Variants in SHANK2 observed in about 807,000 individuals in gnomAD.
SHANK2 encodes the protein SH3 and multiple ankyrin repeat domains protein 2.
SHANK2 carries 43 observed loss-of-function variants against 133.7 expected under a neutral mutation model. The observed-to-expected ratio is 0.32, with a 90% confidence interval of 0.25 to 0.41. The LOEUF (loss-of-function observed/expected upper bound fraction) is 0.41, where lower values mean the gene tolerates loss of function less well. Among genes scored for constraint, SHANK2 ranks in the 10% least tolerant of loss-of-function variants. SHANK2 has a pLI of 1.00. For synonymous variants in SHANK2, 1,017 were observed against 952.8 expected, an observed-to-expected ratio of 1.07 and a Z score of -1.24; for missense variants, 1,994 against 2,235.8, an observed-to-expected ratio of 0.89 and a Z score of 2.18.
At chr11:70,615,365 T>C (rs1554995600) in intron 17 of SHANK2, among the ~76,000 whole-genome samples, 1 of 151,992 alleles carries the variant, frequency 6.6e-6, no homozygotes, top group African/African-American at 2.4e-5. Context: ...AGAATAACCA[T>C]AGAATGTGCT....
In SHANK2 at chr11:70,780,622, G is replaced by T. The variant is rs964151345; in HGVS notation, c.1777+17821C>A. On this transcript the variant is annotated intron_variant, in intron 14 of 25. Coordinates refer to ENST00000601538, the MANE Select transcript of SHANK2 (RefSeq NM_012309.5). ...AGAGTCTTGCTCTGTCACCCAGGCT[G>T]GAGTGCAATGGCACAGTCTCGGCTC... Among the ~76,000 whole-genome samples the T allele has an allele frequency of 9.6e-5, 14 of 145,300 alleles. No individual in the cohort carries two copies. In the East Asian group the frequency reaches 2.8e-3, roughly 29 times the overall value.
intron 17 of SHANK2, among the ~76,000 whole-genome samples, chr11:70,536,897 T>G (rs1410727675): frequency 6.6e-6 from 1 of 152,194 alleles, no homozygotes; most frequent in Non-Finnish European, 1.5e-5. Context: ...CCCAGCCCAG[T>G]GTCTCTTGGT....
Position 70,490,161 on chromosome 11 carries a change from G to C in SHANK2, c.2551+115C>G, listed in dbSNP as rs76214856. ...GTGGGTGGGCTGGCAGGGCCTTGCT[G>C]GGGTGGGACGCCAAGGCAACTGTGA... On this transcript the variant is annotated intron_variant, in intron 23 of 25. Transcript: ENST00000601538. 3.4e-4 allele frequency: 288 copies of C among 859,056 alleles called. No individual in the cohort carries two copies. In the East Asian group the frequency reaches 5.9e-3, roughly 18 times the overall value. 53.2% of individuals were successfully genotyped at this position (859,056 alleles called of 1,614,324 possible).
At chr11:71,103,969 C>T (rs1429162726) in intron 6 of SHANK2, among the ~76,000 whole-genome samples, 1 of 151,588 alleles carries the variant, frequency 6.6e-6, no homozygotes, top group Non-Finnish European at 1.5e-5. Context: ...AATGCACCTG[C>T]TCTCCCTTTG....
intron 14 of SHANK2, among the ~76,000 whole-genome samples, chr11:70,702,871 CATT>C (rs1304624063): frequency 6.6e-6 from 1 of 152,176 alleles, no homozygotes; most frequent in African/African-American, 2.4e-5. Flanking sequence ...TGCAAGTCCT[CATT>C]ATTTCATCTT....
intron 10 of SHANK2, among the ~76,000 whole-genome samples, chr11:70,954,257 T>C (rs1241438189): frequency 2.6e-5 from 4 of 152,236 alleles, no homozygotes; most frequent in African/African-American, 7.2e-5. Context: ...AAGGGTCCGC[T>C]GAGCAGATTT....
chr11:70,494,494 A>AT (rs1386155809), intron 21 of SHANK2, among the ~76,000 whole-genome samples: 2 of 152,090 alleles, frequency 1.3e-5, no homozygotes, highest in African/African-American at 2.4e-5. Flanking sequence ...GGGTTTCACC[A>AT]TGTTGGCCAG....
intron 2 of SHANK2, among the ~76,000 whole-genome samples, chr11:71,172,692 C>T (rs897867120): frequency 3.3e-5 from 5 of 152,064 alleles, no homozygotes; most frequent in South Asian, 2.1e-4. Flanking sequence ...GGGAAATGAT[C>T]CTGAGAGGGG....
chr11:71,103,991 G>A (rs1951765010), intron 6 of SHANK2, among the ~76,000 whole-genome samples: 1 of 151,606 alleles, frequency 6.6e-6, no homozygotes. Flanking sequence ...CTTCCGCCAT[G>A]CGTAAAAGCT....
At chr11:70,645,580 C>A (rs1015925680) in intron 17 of SHANK2, among the ~76,000 whole-genome samples, 3 of 152,218 alleles carry the variant, frequency 2.0e-5, no homozygotes, top group Non-Finnish European at 4.4e-5. Context: ...GCTGACCCCA[C>A]ACGGGTGCTG....
intron 6 of SHANK2, among the ~76,000 whole-genome samples, chr11:71,098,807 G>T (rs1367909162): frequency 1.3e-5 from 2 of 152,030 alleles, no homozygotes; most frequent in Non-Finnish European, 2.9e-5. Context: ...CTGTCCTCAG[G>T]GGGTGATGCG....
intron 11 of SHANK2, among the ~76,000 whole-genome samples, chr11:70,849,095 A>G (rs1462382645): frequency 6.6e-6 from 1 of 152,146 alleles, no homozygotes; most frequent in Non-Finnish European, 1.5e-5. Context: ...CGGAATGTTC[A>G]GACATAGGGG....
At chr11:70,591,374 A>G (rs1172946029) in intron 17 of SHANK2, among the ~76,000 whole-genome samples, 1 of 151,894 alleles carries the variant, frequency 6.6e-6, no homozygotes, top group Non-Finnish European at 1.5e-5. Context: ...AAAGAAAAAG[A>G]AAAAGAAAAA....
intron 8 of SHANK2, among the ~76,000 whole-genome samples, chr11:71,082,198 C>T (rs1202669306): frequency 1.3e-5 from 2 of 152,220 alleles, no homozygotes; most frequent in Non-Finnish European, 2.9e-5. Context: ...CACTGTGGAG[C>T]TCCTGGGCTC....
chr11:70,826,832 G>A (rs1393277412), intron 11 of SHANK2: 8 of 247,102 alleles, frequency 3.2e-5, no homozygotes, highest in African/African-American at 4.4e-5. Context: ...GAGGCACCGC[G>A]GAGGGTTAAC....
At chr11:71,129,162 A>T (rs1555103253) in intron 3 of SHANK2, among the ~76,000 whole-genome samples, 1 of 152,236 alleles carries the variant, frequency 6.6e-6, no homozygotes, top group Non-Finnish European at 1.5e-5. Context: ...TCAACATTCC[A>T]GACATGGAAC....
At chr11:70,858,181 G>A (rs1162258919) in intron 11 of SHANK2, among the ~76,000 whole-genome samples, 1 of 152,186 alleles carries the variant, frequency 6.6e-6, no homozygotes, top group East Asian at 1.9e-4. Flanking sequence ...AACCACCCCA[G>A]AGCATCTGCT....
chr11:71,162,805 GC>G (rs1953047296), intron 2 of SHANK2, among the ~76,000 whole-genome samples: 1 of 151,964 alleles, frequency 6.6e-6, no homozygotes, highest in Admixed American at 6.6e-5. Context: ...GGGCGTGGTG[GC>G]TCACGCCTGT....
chr11:71,195,595 GT>G lies in SHANK2; in HGVS notation c.-13+29101del, dbSNP rs1452834223. 1.3e-5 allele frequency among the ~76,000 whole-genome samples: 2 copies of G among 152,112 alleles called. 1 individual carries two copies. Among genetic ancestry groups the G allele is most frequent in the East Asian group, 3.8e-4 (2 of 5,198 alleles). On this transcript the variant is annotated intron_variant, in intron 2 of 25. Coordinates refer to ENST00000601538, the MANE Select transcript of SHANK2 (RefSeq NM_012309.5). ...GGATTATTTACATACCCGAAACAGA[GT>G]TTTTTCATAGAATTTCAGGAATTCA...
Sources: gnomAD v4.1 joint callset for allele counts (sites outside exome capture counted in the v4.1 genomes callset) on GRCh38, gnomAD v4.1.1 for gene constraint, MANE v1.5 for transcripts, NCBI Gene and HGNC (gene_info 2026-07-23, HGNC 2026-07-21) for gene names.